The following RNF170 variants were observed in gnomAD, a reference collection of about 807,000 sequenced individuals.
RNF170 encodes E3 ubiquitin-protein ligase RNF170.
A neutral mutation model predicts 32.7 loss-of-function variants in RNF170; 12 were observed. The observed-to-expected ratio is 0.37, with a 90% confidence interval of 0.24 to 0.60. The LOEUF (loss-of-function observed/expected upper bound fraction) is 0.60. Among genes scored for constraint, RNF170 ranks in the 20% least tolerant of loss-of-function variants. The pLI is 0.72. For missense variants in RNF170, 212 were observed against 311.2 expected, an observed-to-expected ratio of 0.68 and a Z score of 2.40; for synonymous variants, 91 against 103.6, an observed-to-expected ratio of 0.88 and a Z score of 0.74.
intron 2 of RNF170, 102 bp from the exon 3 acceptor site, chr8:42,874,108 G>A: frequency 2.7e-6 from 2 of 730,180 alleles, no homozygotes; most frequent in Non-Finnish European, 4.9e-6. Context: ...GGTAATTAAT[G>A]TAATTGATGG....
chr8:42,894,690 G>A (rs915452803), intron 1 of RNF170, among the ~76,000 whole-genome samples: 5 of 151,918 alleles, frequency 3.3e-5, no homozygotes, highest in African/African-American at 1.2e-4. Flanking sequence ...TCAGCCTCCC[G>A]AGTAGCTGGG....
chr8:42,889,193 G>GA (rs966196675), intron 1 of RNF170: 1 of 152,132 alleles, frequency 6.6e-6, no homozygotes, highest in African/African-American at 2.4e-5. Context: ...AGAATTCTTT[G>GA]AACTGCTTGG....
downstream of RNF170, chr8:42,851,036 G>A (rs1327739058): frequency 1.9e-6 from 3 of 1,547,318 alleles, no homozygotes; most frequent in African/African-American, 4.1e-5. Flanking sequence ...AAAAATGTTT[G>A]TTAGATCATG....
At chr8:42,850,567 C>T, downstream of RNF170, 6 of 590,934 alleles carry the variant, frequency 1.0e-5, no homozygotes, top group Non-Finnish European at 1.8e-5. Context: ...AATGGTACAT[C>T]TGTGAATATC....
chr8:42,873,679 A>C (rs1358815152), intron 3 of RNF170, among the ~76,000 whole-genome samples: 1 of 152,216 alleles, frequency 6.6e-6, no homozygotes, highest in Non-Finnish European at 1.5e-5. Context: ...TTATTTCTAC[A>C]CTAATAAATA....
At chr8:42,864,045 C>CT (rs747091463) in intron 5 of RNF170, among the ~76,000 whole-genome samples, 62 of 128,088 alleles carry the variant, frequency 4.8e-4, no homozygotes, top group African/African-American at 4.8e-4. Flanking sequence ...TGGAGGAATA[C>CT]TTTTTTTTTT....
intron 6 of RNF170, among the ~76,000 whole-genome samples, chr8:42,861,163 A>G (rs868242434): frequency 5.3e-5 from 8 of 152,290 alleles, no homozygotes; most frequent in Middle Eastern, 3.4e-3. Flanking sequence ...ATAATTTTCT[A>G]TTTCCCTCTA....
At chr8:42,861,931 T>C in intron 5 of RNF170, 76 bp from the exon 6 acceptor site, 2 of 1,431,296 alleles carry the variant, frequency 1.4e-6, no homozygotes, top group Non-Finnish European at 1.9e-6. Context: ...TATTATTCAA[T>C]AGAATGATAA....
At chr8:42,863,731 C>T (rs573729549) in intron 5 of RNF170, among the ~76,000 whole-genome samples, 29 of 152,232 alleles carry the variant, frequency 1.9e-4, no homozygotes, top group Admixed American at 3.3e-4. Flanking sequence ...TGAGCCATCA[C>T]GCCCGGCCAT....
At chr8:42,879,706 C>T (rs1805232566) in intron 2 of RNF170, among the ~76,000 whole-genome samples, 2 of 151,554 alleles carry the variant, frequency 1.3e-5, no homozygotes, top group South Asian at 2.1e-4. Flanking sequence ...CAGAGTCTCA[C>T]CCTGTTGCCC....
At chr8:42,896,342 G>A (rs1806865426) in intron 1 of RNF170, 142 bp downstream of exon 1, 5 of 400,498 alleles carry the variant, frequency 1.2e-5, no homozygotes, top group African/African-American at 4.3e-5. Flanking sequence ...GACGAGGGAG[G>A]GGCCCGGGGG....
At position 42,886,254 on chromosome 8, in the gene RNF170, G is replaced by A. The variant is rs555284094; in HGVS notation, c.137+1474C>T. 8.6e-5 allele frequency among the ~76,000 whole-genome samples: 13 copies of A among 151,558 alleles called. No individual in the cohort carries two copies. In the East Asian group the frequency reaches 2.5e-3, roughly 30 times the overall value. The stretch of plus-strand genomic sequence containing the variant: ...AAAAAATAATAATAATAATAGAAAA[G>A]GCCCAAGGACAGAGCCCTGCAGCAA... On this transcript the variant is annotated intron_variant, in intron 2 of 6. Transcript: ENST00000527424.
chr8:42,855,068 A>G lies in RNF170; in HGVS notation c.*1091T>C. ...AAAGACACGAAGATTCACCTTCCTC[A>G]GAAATGCATCAGGCTACTCTGTGTT... On this transcript the variant is annotated 3_prime_UTR_variant, in exon 7 of 7. Transcript: ENST00000527424. 1 of 1,287,236 alleles carries G rather than the reference A, an allele frequency of 7.8e-7. No individual in the cohort carries two copies. The highest frequency in any genetic ancestry group is 1.0e-6 in the Non-Finnish European group (1 of 988,690). 79.7% of individuals were successfully genotyped at this position (1,287,236 alleles called of 1,614,324 possible).
chr8:42,856,267 G>C lies in RNF170; in HGVS notation c.669C>G (p.Ala223=). Residue 223 remains alanine (A), a synonymous_variant, in exon 7 of 7, where the codon GCC becomes GCG. Coordinates refer to ENST00000527424, the MANE Select transcript of RNF170 (RefSeq NM_030954.4). ...LISPLDFVPE[A]LFGILGFLDD... The stretch of plus-strand genomic sequence containing the variant: ...CTAGAAAGCCTAGAATTCCAAACAA[G>C]GCTTCAGGTACAAAATCTAGAGGTG... The C allele has an allele frequency of 6.2e-7, 1 of 1,604,908 alleles. No homozygotes were observed. Among genetic ancestry groups the C allele is most frequent in the Non-Finnish European group, 8.5e-7 (1 of 1,177,284 alleles).
chr8:42,877,268 G>A (rs1805024863), intron 2 of RNF170, among the ~76,000 whole-genome samples: 1 of 152,044 alleles, frequency 6.6e-6, no homozygotes, highest in Non-Finnish European at 1.5e-5. Flanking sequence ...TTCCAGGCTG[G>A]GGTGCAGTGG....
intron 6 of RNF170, among the ~76,000 whole-genome samples, chr8:42,859,484 G>A (rs568409026): frequency 1.3e-4 from 20 of 152,102 alleles, no homozygotes; most frequent in African/African-American, 4.8e-4. Flanking sequence ...AAAATTAGCC[G>A]GGTGTGGTGA....
chr8:42,891,529 T>A (rs1806299636), intron 1 of RNF170, among the ~76,000 whole-genome samples: 1 of 152,188 alleles, frequency 6.6e-6, no homozygotes, highest in African/African-American at 2.4e-5. Context: ...GCACCTTGAC[T>A]AATCAGATCA....
intron 3 of RNF170, among the ~76,000 whole-genome samples, chr8:42,873,459 A>C (rs1804672562): frequency 6.6e-6 from 1 of 152,150 alleles, no homozygotes; most frequent in African/African-American, 2.4e-5. Context: ...GATCTGGTAA[A>C]AAGCAAAGAA....
upstream of RNF170, chr8:42,897,122 G>A: frequency 8.0e-7 from 1 of 1,244,956 alleles, no homozygotes; most frequent in Non-Finnish European, 1.0e-6. Flanking sequence ...GCCTGGCCGC[G>A]GCGGGGAAGA....
Sources: gnomAD v4.1 joint callset for allele counts (sites outside exome capture counted in the v4.1 genomes callset) on GRCh38, gnomAD v4.1.1 for gene constraint, MANE v1.5 for transcripts, NCBI Gene and HGNC (gene_info 2026-07-23, HGNC 2026-07-21) for gene names.